Variants in NBAS observed in about 807,000 individuals in gnomAD.
NBAS encodes NAG/BC035112 fusion.
NBAS carries 219 observed loss-of-function variants against 302.5 expected under a neutral mutation model. That is an observed-to-expected ratio of 0.72 (90% CI 0.65 to 0.81). NBAS has a LOEUF of 0.81. NBAS is among the 30% of genes least tolerant of loss of function. NBAS has a pLI of 0.00. For missense variants in NBAS, 2,932 were observed against 2,841.6 expected, an observed-to-expected ratio of 1.03 and a Z score of -0.72; for synonymous variants, 1,118 against 1,021.6, an observed-to-expected ratio of 1.09 and a Z score of -1.80.
chr2:14,826,912 C>A, the NBAS span, among the ~76,000 whole-genome samples: 1 of 152,228 alleles, frequency 6.6e-6, no homozygotes. Context: ...TGTTCCAACT[C>A]TTTGTAAAGC....
chr2:14,887,052 G>A, the NBAS span, among the ~76,000 whole-genome samples: 3 of 152,280 alleles, frequency 2.0e-5, no homozygotes, highest in South Asian at 6.2e-4. Context: ...GTCATAGCAG[G>A]CTTACTTAGA....
chr2:15,363,106 G>A (rs536627175), intron 32 of NBAS, among the ~76,000 whole-genome samples: 9 of 152,270 alleles, frequency 5.9e-5, no homozygotes, highest in Non-Finnish European at 8.8e-5. Context: ...AGAGCTGGTG[G>A]TTGGGGAGAG....
chr2:15,341,453 T>G (rs1251630212), intron 35 of NBAS, among the ~76,000 whole-genome samples: 1 of 151,986 alleles, frequency 6.6e-6, no homozygotes, highest in Middle Eastern at 3.4e-3. Context: ...TTAACACCCA[T>G]AGATTACACT....
intron 49 of NBAS, among the ~76,000 whole-genome samples, chr2:15,188,919 C>G (rs751828730): frequency 1.3e-5 from 2 of 152,164 alleles, no homozygotes; most frequent in African/African-American, 2.4e-5. Context: ...TAGTGGCAAT[C>G]TGATCAGTGG....
intron 48 of NBAS, among the ~76,000 whole-genome samples, chr2:15,204,489 G>A (rs1666045345): frequency 1.3e-5 from 2 of 152,154 alleles, no homozygotes; most frequent in African/African-American, 4.8e-5. Context: ...AATAAACTCT[G>A]TGAGACTGGG....
the NBAS span, among the ~76,000 whole-genome samples, chr2:15,100,244 G>A: frequency 6.6e-6 from 1 of 152,154 alleles, no homozygotes; most frequent in Admixed American, 6.5e-5. Flanking sequence ...TTTTATTGAA[G>A]AAGACACAGT....
At chr2:15,480,902 G>T (rs1208793759) in intron 12 of NBAS, among the ~76,000 whole-genome samples, 1 of 152,148 alleles carries the variant, frequency 6.6e-6, no homozygotes, top group Admixed American at 6.5e-5. Flanking sequence ...CATGTTGTGT[G>T]ACCATCACAT....
chr2:14,922,607 G>C, the NBAS span, among the ~76,000 whole-genome samples: 1 of 152,132 alleles, frequency 6.6e-6, no homozygotes, highest in Non-Finnish European at 1.5e-5. Context: ...ATTGGATTAA[G>C]GGCCCCACCC....
At chr2:15,508,346 G>A (rs563375961) in intron 10 of NBAS, among the ~76,000 whole-genome samples, 4 of 152,154 alleles carry the variant, frequency 2.6e-5, no homozygotes, top group African/African-American at 9.7e-5. Context: ...GAAAGCACAG[G>A]AGAATTCAAA....
At chr2:15,416,085 C>CAGAGAGAGAG (rs142747790) in intron 24 of NBAS, among the ~76,000 whole-genome samples, 2 of 147,752 alleles carry the variant, frequency 1.4e-5, no homozygotes, top group Middle Eastern at 3.2e-3. Flanking sequence ...TACGCAAAAA[C>CAGAGAGAGAG]AGAGAGAGAG....
intron 12 of NBAS, among the ~76,000 whole-genome samples, chr2:15,487,012 C>G (rs1264242405): frequency 2.0e-5 from 3 of 151,756 alleles, no homozygotes; most frequent in Non-Finnish European, 4.4e-5. Flanking sequence ...GTATAACGTA[C>G]TAGGATACAC....
rs76462324 is a variant in NBAS at position 15,436,231 on chromosome 2, G to A, written c.2340-8437C>T. 5.3e-5 allele frequency among the ~76,000 whole-genome samples: 8 copies of A among 152,164 alleles called. No homozygotes were observed. The South Asian group carries it at 6.2e-4, about 12-fold the overall frequency. Reference sequence around the variant, plus strand: ...TTGAATAAAAACTATAAAAGTCAACGTAAGAGGAAGACTACATAGCTAAGA... The same window carrying A: ...TTGAATAAAAACTATAAAAGTCAACATAAGAGGAAGACTACATAGCTAAGA... On this transcript the variant is annotated intron_variant, in intron 21 of 51. Transcript: ENST00000281513.
the NBAS span, among the ~76,000 whole-genome samples, chr2:14,877,997 C>G: frequency 8.5e-5 from 13 of 152,200 alleles, no homozygotes; most frequent in South Asian, 2.7e-3. Context: ...CAAAAGCCTG[C>G]GATACTGTAC....
At chr2:14,858,997 A>G in the NBAS span, among the ~76,000 whole-genome samples, 1 of 152,032 alleles carries the variant, frequency 6.6e-6, no homozygotes, top group African/African-American at 2.4e-5. Flanking sequence ...AAATTCAGTA[A>G]AGTTGCAAGA....
intron 6 of NBAS, among the ~76,000 whole-genome samples, chr2:15,541,043 T>C (rs1240009372): frequency 2.0e-5 from 3 of 152,122 alleles, no homozygotes; most frequent in African/African-American, 7.2e-5. Context: ...CTTTTATACA[T>C]ATTGCTGCTC....
At chr2:15,386,981 C>T (rs6722963) in intron 28 of NBAS, among the ~76,000 whole-genome samples, 94,120 of 151,892 alleles carry the variant, frequency 0.62, 29,954 homozygotes, top group Middle Eastern at 0.68. Context: ...AGCCAGACAT[C>T]AAGCATAATA....
chr2:15,033,129 G>T, the NBAS span, among the ~76,000 whole-genome samples: 3 of 152,202 alleles, frequency 2.0e-5, no homozygotes, highest in Admixed American at 2.0e-4. Context: ...ACTCCAATGG[G>T]CATAGCATCA....
chr2:14,962,328 T>C, the NBAS span, among the ~76,000 whole-genome samples: 118,024 of 152,014 alleles, frequency 0.78, 45,979 homozygotes, highest in East Asian at 0.88. Flanking sequence ...GGGTTACATG[T>C]ATGAACTGTA....
chr2:15,529,062 T>A (rs1663092165), intron 9 of NBAS, among the ~76,000 whole-genome samples: 2 of 151,936 alleles, frequency 1.3e-5, no homozygotes. Context: ...GCAGGCCAGA[T>A]AAAGATAGAA....
Sources: gnomAD v4.1 joint callset for allele counts (sites outside exome capture counted in the v4.1 genomes callset) on GRCh38, gnomAD v4.1.1 for gene constraint, MANE v1.5 for transcripts, NCBI Gene and HGNC (gene_info 2026-07-23, HGNC 2026-07-21) for gene names.